SLC27A6: variants seen among roughly 807,000 people sequenced by gnomAD.
SLC27A6 encodes the protein long-chain fatty acid transport protein 6.
Under a neutral mutation model 63.9 loss-of-function variants are expected in SLC27A6, and 74 were observed. The observed-to-expected ratio is 1.16, with a 90% CI of 0.96 to 1.40. The LOEUF (loss-of-function observed/expected upper bound fraction) is 1.40. SLC27A6 is among the 40% of genes most tolerant of loss of function. The pLI, the probability that SLC27A6 is intolerant of heterozygous loss-of-function variation, is 0.00. For missense variants in SLC27A6, 794 were observed against 732.9 expected, an observed-to-expected ratio of 1.08 and a Z score of -0.96; for synonymous variants, 287 against 260.8, an observed-to-expected ratio of 1.10 and a Z score of -0.97.
intron 3 of SLC27A6, among the ~76,000 whole-genome samples, chr5:128,989,206 C>T (rs1750891880): frequency 6.6e-6 from 1 of 152,184 alleles, no homozygotes; most frequent in Non-Finnish European, 1.5e-5. Context: ...GCTGGAGAAA[C>T]AGAAGCCACC....
chr5:129,012,235 G>A (rs1041521378), intron 4 of SLC27A6, among the ~76,000 whole-genome samples: 8 of 151,292 alleles, frequency 5.3e-5, no homozygotes, highest in Non-Finnish European at 1.0e-4. Flanking sequence ...TTGTTTAAAG[G>A]TGTATTATTA....
intron 1 of SLC27A6, among the ~76,000 whole-genome samples, chr5:128,970,562 T>G (rs1168604737): frequency 6.6e-6 from 1 of 152,160 alleles, no homozygotes; most frequent in African/African-American, 2.4e-5. Context: ...GTTTATAGTA[T>G]TCTCTGATGG....
rs1293221274 is a variant in SLC27A6 at position 129,015,771 on chromosome 5, C to T, written c.970-114C>T. 1.3e-5 allele frequency: 9 copies of T among 704,384 alleles called. No individual in the cohort carries two copies. The East Asian group carries it at 2.3e-4, about 18-fold the overall frequency. 43.6% of individuals were successfully genotyped at this position (704,384 alleles called of 1,614,324 possible). A position where few individuals can be genotyped will look rare whatever the true frequency, so the allele number is the denominator to read the frequency against. On this transcript the variant is annotated intron_variant, in intron 4 of 9. Transcript: ENST00000262462. ...AGACTTATACACATATTTTAACTTCCCTTCTGTTATTGCACATATGCAGTT... is the reference window on the plus strand; with the variant it reads ...AGACTTATACACATATTTTAACTTCTCTTCTGTTATTGCACATATGCAGTT...
chr5:128,988,800 A>G (rs1414490586), intron 3 of SLC27A6, 42 bp downstream of exon 3: 1 of 1,485,502 alleles, frequency 6.7e-7, no homozygotes, highest in Non-Finnish European at 9.3e-7. Flanking sequence ...CAAAATGTCT[A>G]ATAATTAGAA....
chr5:129,024,033 T>C (rs1164155452), intron 6 of SLC27A6, among the ~76,000 whole-genome samples: 1 of 152,138 alleles, frequency 6.6e-6, no homozygotes, highest in African/African-American at 2.4e-5. Flanking sequence ...CCAAGGTTGG[T>C]TGAATCCACA....
intron 1 of SLC27A6, among the ~76,000 whole-genome samples, chr5:128,969,253 T>C (rs2150125677): frequency 6.6e-6 from 1 of 152,348 alleles, no homozygotes; most frequent in East Asian, 1.9e-4. Context: ...GCAGGCTCTT[T>C]TTTGGTTCCG....
Position 129,029,567 on chromosome 5 carries a change from T to G in SLC27A6, c.1553-10T>G, listed in dbSNP as rs1403822290. On this transcript the variant is annotated splice_polypyrimidine_tract_variant and intron_variant, in intron 8 of 9. Transcript: ENST00000262462. ...ACTTAAAAATGACTCTATTTCAAAC[T>G]TTTTTTCAGGTTATGAAGGAAGAGC... 16 of 1,548,102 alleles carry G rather than the reference T, an allele frequency of 1.0e-5. No homozygotes were observed. Among genetic ancestry groups the G allele is most frequent in the Non-Finnish European group, 1.4e-5 (16 of 1,147,598 alleles).
intron 8 of SLC27A6, among the ~76,000 whole-genome samples, chr5:129,028,701 T>C (rs1235618170): frequency 1.3e-5 from 2 of 151,632 alleles, no homozygotes; most frequent in African/African-American, 2.4e-5. Context: ...CTGATCAATG[T>C]CTCACTGCTT....
intron 1 of SLC27A6, among the ~76,000 whole-genome samples, chr5:128,970,055 C>A (rs887624605): frequency 4.0e-5 from 6 of 151,052 alleles, no homozygotes; most frequent in South Asian, 2.1e-4. Flanking sequence ...TGTTTATATG[C>A]TGGATTACGT....
intron 4 of SLC27A6, among the ~76,000 whole-genome samples, chr5:128,996,910 G>T (rs4091540): frequency 6.6e-6 from 1 of 151,862 alleles, no homozygotes; most frequent in Non-Finnish European, 1.5e-5. Flanking sequence ...GACCAAAGAC[G>T]GTCATAAGCT....
Position 129,029,668 on chromosome 5 carries a change from TCTACCAG to T in SLC27A6, c.1647_1653del (p.Pro550MetfsTer7). ...AAGTTTATGAACAAGTTGTAACATT[TCTACCAG>T]CTTATGCTTGTCCACGATTTTTAAG... On this transcript the variant is annotated frameshift_variant, in exon 9 of 10. Coordinates refer to ENST00000262462, the MANE Select transcript of SLC27A6 (RefSeq NM_001017372.3). LOFTEE classifies it high-confidence loss of function. The T allele has an allele frequency of 6.2e-7, 1 of 1,602,442 alleles. No homozygotes were observed. The highest frequency in any genetic ancestry group is 8.5e-7 in the Non-Finnish European group (1 of 1,176,292).
At chr5:128,985,444 G>A (rs1455339500) in intron 2 of SLC27A6, 108 bp downstream of exon 2, 1 of 818,308 alleles carries the variant, frequency 1.2e-6, no homozygotes, top group African/African-American at 1.7e-5. Context: ...GAGAATGCAT[G>A]CTTGCAAGAA....
At chr5:128,980,476 T>C (rs1750545732) in intron 1 of SLC27A6, among the ~76,000 whole-genome samples, 1 of 152,194 alleles carries the variant, frequency 6.6e-6, no homozygotes, top group South Asian at 2.1e-4. Flanking sequence ...ATTCCAGTGT[T>C]TTGCTGAAAC....
chr5:128,990,380 G>T lies in SLC27A6; in HGVS notation c.885G>T (p.Gln295His), dbSNP rs575128927. 1 of 1,614,016 alleles carries T rather than the reference G, an allele frequency of 6.2e-7. No homozygotes were observed. Among genetic ancestry groups the T allele is most frequent in the Admixed American group, 1.7e-5 (1 of 60,010 alleles). ...CVLKKKFSAS[Q>H]FWSDCKKYDV... is the part of the protein sequence containing the mutation. ...TAAAGAAGAAATTTTCAGCAAGCCA[G>T]TTTTGGAGTGACTGCAAGAAGTATG... is the stretch of plus-strand genomic sequence containing the variant. Residue 295 changes from glutamine (Q) to histidine (H), a missense_variant, in exon 4 of 10, where the codon CAG (glutamine) becomes CAT (histidine). Coordinates refer to ENST00000262462, the MANE Select transcript of SLC27A6 (RefSeq NM_001017372.3).
At position 128,988,683 on chromosome 5, in the gene SLC27A6, G is replaced by T. The variant is rs1750873818; in HGVS notation, c.769G>T (p.Asp257Tyr). ...VLWAFGCTAH[D>Y]IVYITLPLYH... ...GTGGGCTTTTGGTTGTACTGCTCATGACATTGTTTATATAACCCTTCCTCT... is the reference window on the plus strand; with the variant it reads ...GTGGGCTTTTGGTTGTACTGCTCATTACATTGTTTATATAACCCTTCCTCT... The change falls in exon 3 of 10, where the codon GAC (aspartate) becomes TAC (tyrosine). Residue 257 changes from aspartate to tyrosine, a missense_variant. Physicochemically the swap from Asp to Tyr is radical, Grantham distance 160. Transcript: ENST00000262462. The T allele has an allele frequency of 6.2e-7, 1 of 1,613,808 alleles. No individual in the cohort carries two copies. The highest frequency in any genetic ancestry group is 1.3e-5 in the African/African-American group (1 of 75,000).
At chr5:129,006,071 G>GTTTTTTTTTTT (rs4068575) in intron 4 of SLC27A6, among the ~76,000 whole-genome samples, 782 of 60,084 alleles carry the variant, frequency 0.013, 197 homozygotes, top group African/African-American at 0.02. Context: ...TGTGCACACT[G>GTTTTTTTTTTT]TTTTTTTTTT....
chr5:128,972,051 G>C (rs1580699193), intron 1 of SLC27A6, among the ~76,000 whole-genome samples: 1 of 152,034 alleles, frequency 6.6e-6, no homozygotes, highest in African/African-American at 2.4e-5. Context: ...TGAAATTCTG[G>C]GTTGAAAATT....
At chr5:128,968,722 ACT>A (rs1406135710) in intron 1 of SLC27A6, among the ~76,000 whole-genome samples, 1 of 151,924 alleles carries the variant, frequency 6.6e-6, no homozygotes, top group East Asian at 1.9e-4. Context: ...TTGCCTGTTC[ACT>A]CTGATGGCAG....
intron 1 of SLC27A6, among the ~76,000 whole-genome samples, chr5:128,973,103 A>G (rs1449007400): frequency 1.3e-5 from 2 of 152,184 alleles, no homozygotes; most frequent in African/African-American, 4.8e-5. Context: ...CGGAGGCTGC[A>G]GAACAGCAAA....
Sources: gnomAD v4.1 joint callset for allele counts (sites outside exome capture counted in the v4.1 genomes callset) on GRCh38, gnomAD v4.1.1 for gene constraint, MANE v1.5 for transcripts, NCBI Gene and HGNC (gene_info 2026-07-23, HGNC 2026-07-21) for gene names.